Variants in EIF4A2 observed in about 807,000 individuals in gnomAD.
The protein encoded by EIF4A2 is eukaryotic initiation factor 4A-II.
A neutral mutation model predicts 50.6 loss-of-function variants in EIF4A2; 9 were observed. The ratio of observed to expected loss-of-function variants is 0.18; its 90% CI spans 0.11 to 0.31. The LOEUF is 0.31. Ranked by LOEUF, EIF4A2 falls within the 10% of genes least tolerant of loss-of-function variation. EIF4A2 has a pLI of 1.00. For synonymous variants in EIF4A2, 215 were observed against 164.4 expected (o/e 1.31, Z -2.35); for missense variants, 182 against 501.8 (o/e 0.36, Z 6.09).
intron 4 of EIF4A2, chr3:186,785,402 A>G (rs1721633732): frequency 2.4e-6 from 1 of 420,988 alleles, no homozygotes; most frequent in South Asian, 3.2e-5. Flanking sequence ...ACATGTTACC[A>G]TTTGACTGTC....
intron 10 of EIF4A2, chr3:186,788,351 CG>C: frequency 7.8e-7 from 1 of 1,289,748 alleles, no homozygotes; most frequent in Non-Finnish European, 1.0e-6. Context: ...CACTCAGAAA[CG>C]GCGTTGACGT....
Position 186,789,428 on chromosome 3 carries a change from G to A in EIF4A2, c.*159G>A, listed in dbSNP as rs1579171568. On this transcript the variant is annotated 3_prime_UTR_variant, in exon 11 of 11. Coordinates refer to ENST00000323963, the MANE Select transcript of EIF4A2 (RefSeq NM_001967.4). ...GATAGCAAAGCGACGTTAGTCGTGAGCTCTTGTGAGGAAAGTCATTGGCTT... is the reference window on the plus strand; with the variant it reads ...GATAGCAAAGCGACGTTAGTCGTGAACTCTTGTGAGGAAAGTCATTGGCTT... 3.9e-6 allele frequency: 4 copies of A among 1,028,516 alleles called. No individual in the cohort carries two copies. The highest frequency in any genetic ancestry group is 2.8e-5 in the East Asian group (1 of 35,910). The allele number at this position is 1,028,516 out of a possible 1,614,324, so 63.7% of individuals were successfully genotyped here. A position where few individuals can be genotyped will look rare whatever the true frequency, so the allele number is the denominator to read the frequency against.
chr3:186,786,710 C>G lies in EIF4A2; in HGVS notation c.771+65C>G, dbSNP rs538395242. ...ATAAGCACTGTGCTAAAATTGCAGACACTAGGACCATGTCTTGGTTTTTGC... is the reference window on the plus strand; with the variant it reads ...ATAAGCACTGTGCTAAAATTGCAGAGACTAGGACCATGTCTTGGTTTTTGC... On this transcript the variant is annotated intron_variant, in intron 7 of 10. Coordinates refer to ENST00000323963, the MANE Select transcript of EIF4A2 (RefSeq NM_001967.4). 16 of 1,601,132 alleles carry G rather than the reference C, an allele frequency of 1.0e-5. No homozygotes were observed. The African/African-American group carries it at 1.9e-4, about 19-fold the overall frequency.
intron 5 of EIF4A2, 28 bp from the exon 6 acceptor site, chr3:186,786,136 A>G: frequency 6.2e-7 from 1 of 1,609,542 alleles, no homozygotes. Context: ...TAGATCTAGA[A>G]ATGACAGTAT....
At chr3:186,788,150 A>C in intron 10 of EIF4A2, 1 of 670,416 alleles carries the variant, frequency 1.5e-6, no homozygotes, top group Non-Finnish European at 2.3e-6. Context: ...TCTTGTGTCC[A>C]TGTGTTTTTC....
intron 3 of EIF4A2, 98 bp downstream of exon 3, chr3:186,784,794 T>TA (rs770418129): frequency 6.2e-7 from 1 of 1,602,128 alleles, no homozygotes; most frequent in Non-Finnish European, 8.5e-7. Flanking sequence ...TTGTATTCCT[T>TA]AAAGTGAAAT....
intron 4 of EIF4A2, chr3:186,785,311 C>T: frequency 1.5e-6 from 1 of 648,486 alleles, no homozygotes; most frequent in Admixed American, 3.3e-5. Context: ...GATTGAGAAT[C>T]CGAAGCGCTC....
In EIF4A2 at chr3:186,786,769, G is replaced by C. The variant is rs367929995; in HGVS notation, c.771+124G>C. On this transcript the variant is annotated intron_variant, in intron 7 of 10. Coordinates refer to ENST00000323963, the MANE Select transcript of EIF4A2 (RefSeq NM_001967.4). ...TAGCAGAGTACACACAAGAAGAAAA[G>C]TAACAGCACTAGATTGTAAAGACTG... is the stretch of plus-strand genomic sequence containing the variant. 9 of 1,307,898 alleles carry C rather than the reference G, an allele frequency of 6.9e-6. No individual in the cohort carries two copies. In the African/African-American group the frequency reaches 1.2e-4, roughly 17 times the overall value. The allele number at this position is 1,307,898 out of a possible 1,614,324, so 81.0% of individuals were successfully genotyped here. A position where few individuals can be genotyped will look rare whatever the true frequency, so the allele number is the denominator to read the frequency against.
chr3:186,784,668 G>A lies in EIF4A2; in HGVS notation c.180G>A (p.Gln60=), dbSNP rs761531889. The change falls in exon 3 of 11, where the codon CAG becomes CAA. Residue 60 remains glutamine, a synonymous_variant. Coordinates refer to ENST00000323963, the MANE Select transcript of EIF4A2 (RefSeq NM_001967.4). The part of the protein sequence containing the change: ...AYGFEKPSAI[Q]QRAIIPCIKG... ...GTTTTGAGAAGCCTTCCGCTATTCAGCAGAGAGCTATTATTCCCTGTATTA... is the reference window on the plus strand; with the variant it reads ...GTTTTGAGAAGCCTTCCGCTATTCAACAGAGAGCTATTATTCCCTGTATTA... 6.2e-7 allele frequency: 1 copy of A among 1,614,196 alleles called. No individual in the cohort carries two copies. The highest frequency in any genetic ancestry group is 1.1e-5 in the South Asian group (1 of 91,090).
Position 186,783,603 on chromosome 3 carries a change from TTCGGATCATGTCTGGTGGCTCCGCGG to T in EIF4A2, c.-7_19del. ...TTTTCAGTCGGGCGCTGAGTGGTTT[TTCGGATCATGTCTGGTGGCTCCGCGG>T]ATTATAACAGGTATGCAGTCTGTTG... is the stretch of plus-strand genomic sequence containing the variant. On this transcript the variant is annotated start_lost and 5_prime_UTR_variant, in exon 1 of 11. Coordinates refer to ENST00000323963, the MANE Select transcript of EIF4A2 (RefSeq NM_001967.4). The T allele has an allele frequency of 6.2e-7, 1 of 1,614,112 alleles. No homozygotes were observed. The highest frequency in any genetic ancestry group is 2.2e-5 in the East Asian group (1 of 44,878).
At chr3:186,784,369 G>A (rs1442218491) in intron 1 of EIF4A2, 63 bp from the exon 2 acceptor site, 5 of 1,613,004 alleles carry the variant, frequency 3.1e-6, no homozygotes, top group Non-Finnish European at 3.4e-6. Context: ...AAAGGGCTAT[G>A]CGCTTAAGGT....
intron 6 of EIF4A2, 112 bp downstream of exon 6, chr3:186,786,385 T>A: frequency 6.6e-7 from 1 of 1,525,084 alleles, no homozygotes; most frequent in Non-Finnish European, 8.9e-7. Flanking sequence ...TTAAAGCACT[T>A]GATGCATAAC....
In EIF4A2 at chr3:186,785,110, A is replaced by C; in HGVS notation, c.348+9A>C. The C allele has an allele frequency of 6.2e-7, 1 of 1,612,434 alleles. No individual in the cohort carries two copies. Among genetic ancestry groups the C allele is most frequent in the Non-Finnish European group, 8.5e-7 (1 of 1,179,324 alleles). ...GAGAACTGGCTCAACAGGTATTGAT[A>C]GTGTAGTTCAAAAAAACTGCTTGCG... is the stretch of plus-strand genomic sequence containing the variant. On this transcript the variant is annotated intron_variant, in intron 4 of 10. Transcript: ENST00000323963.
chr3:186,784,948 C>G lies in EIF4A2; in HGVS notation c.209-14C>G. The G allele has an allele frequency of 6.2e-7, 1 of 1,614,020 alleles. No homozygotes were observed. The highest frequency in any genetic ancestry group is 2.2e-5 in the East Asian group (1 of 44,872). On this transcript the variant is annotated splice_polypyrimidine_tract_variant and intron_variant, in intron 3 of 10. Coordinates refer to ENST00000323963, the MANE Select transcript of EIF4A2 (RefSeq NM_001967.4). Reference sequence around the variant, plus strand: ...TGATGTGGGATCGGTAAATGTGTATCCTACTTTTTTTAGGGTATGATGTGA... The same window carrying G: ...TGATGTGGGATCGGTAAATGTGTATGCTACTTTTTTTAGGGTATGATGTGA...
chr3:186,784,485 AC>A lies in EIF4A2; in HGVS notation c.75+9del. 1 of 1,614,118 alleles carries A rather than the reference AC, an allele frequency of 6.2e-7. No individual in the cohort carries two copies. The highest frequency in any genetic ancestry group is 8.5e-7 in the Non-Finnish European group (1 of 1,180,000). ...CCCGATGGTGTCATCGAGGTAAGAA[AC>A]GGTTGTGGATCTTGAAGCTTTGGAA... On this transcript the variant is annotated intron_variant, in intron 2 of 10. Coordinates refer to ENST00000323963, the MANE Select transcript of EIF4A2 (RefSeq NM_001967.4).
intron 10 of EIF4A2, chr3:186,788,719 T>G: frequency 4.3e-6 from 1 of 231,172 alleles, no homozygotes. Flanking sequence ...AGCATTTGTT[T>G]ACAGTTTACA....
Position 186,784,427 on chromosome 3 carries a change from A to T in EIF4A2, c.30-5A>T. The T allele has an allele frequency of 1.9e-6, 3 of 1,614,182 alleles. No homozygotes were observed. The highest frequency in any genetic ancestry group is 1.7e-6 in the Non-Finnish European group (2 of 1,180,018). ...GGTGTCTGACTGCAGTATTCTTGTC[A>T]GCAGAGAACATGGCGGCCCAGAGGG... On this transcript the variant is annotated splice_polypyrimidine_tract_variant and splice_region_variant and intron_variant, in intron 1 of 10. Coordinates refer to ENST00000323963, the MANE Select transcript of EIF4A2 (RefSeq NM_001967.4).
chr3:186,786,981 T>G (rs1000369195), intron 7 of EIF4A2, 146 bp from the exon 8 acceptor site: 2 of 1,231,216 alleles, frequency 1.6e-6, no homozygotes, highest in African/African-American at 1.5e-5. Context: ...GAAACCCTGG[T>G]CTGGTTGGAA....
rs1027118777 is a variant in EIF4A2, at chr3:186,788,466, G to A, written c.1079+584G>A. The A allele has an allele frequency of 3.3e-6, 4 of 1,222,562 alleles. No homozygotes were observed. In the African/African-American group the frequency reaches 4.8e-5, roughly 15 times the overall value. The allele number at this position is 1,222,562 out of a possible 1,614,324, so 75.7% of individuals were successfully genotyped here. A position where few individuals can be genotyped will look rare whatever the true frequency, so the allele number is the denominator to read the frequency against. On this transcript the variant is annotated intron_variant, in intron 10 of 10. Coordinates refer to ENST00000323963, the MANE Select transcript of EIF4A2 (RefSeq NM_001967.4). Reference sequence around the variant, plus strand: ...TTTGTCATGATTATTTGATTTTTAAGTTGCTCCAGCTAAGGCATTTTTTTG... The same window carrying A: ...TTTGTCATGATTATTTGATTTTTAAATTGCTCCAGCTAAGGCATTTTTTTG...
Sources: gnomAD v4.1 joint callset for allele counts on GRCh38, gnomAD v4.1.1 for gene constraint, MANE v1.5 for transcripts, NCBI Gene and HGNC (gene_info 2026-07-23, HGNC 2026-07-21) for gene names.